DOCK3: variants seen among roughly 807,000 people sequenced by gnomAD.
The protein encoded by DOCK3 is dedicator of cytokinesis protein 3.
In DOCK3, 60 loss-of-function variants were observed where a neutral mutation model predicts 265.6. The ratio of observed to expected loss-of-function variants is 0.23; its 90% CI spans 0.18 to 0.28. The LOEUF is 0.28. DOCK3 is among the 10% of genes least tolerant of loss of function. DOCK3 has a pLI of 1.00. For synonymous variants in DOCK3, 881 were observed against 938.0 expected (o/e 0.94, Z 1.11); for missense variants, 1,981 against 2,594.3 (o/e 0.76, Z 5.14).
chr3:51,013,232 T>C (rs2079022360), intron 5 of DOCK3, among the ~76,000 whole-genome samples: 1 of 152,216 alleles, frequency 6.6e-6, no homozygotes, highest in Admixed American at 6.5e-5. Context: ...TGCAGTGCTC[T>C]GGTTTTTAGA....
At chr3:51,280,995 A>G (rs927603135) in intron 27 of DOCK3, among the ~76,000 whole-genome samples, 1 of 152,122 alleles carries the variant, frequency 6.6e-6, no homozygotes, top group Admixed American at 6.6e-5. Context: ...GAAAATGAAG[A>G]TGATTCTCCA....
chr3:50,806,127 A>G (rs1049420467), intron 2 of DOCK3, among the ~76,000 whole-genome samples: 3 of 151,696 alleles, frequency 2.0e-5, no homozygotes, highest in African/African-American at 7.3e-5. Context: ...AGTGGCCCAT[A>G]GGGCTGTTTC....
intron 1 of DOCK3, among the ~76,000 whole-genome samples, chr3:50,752,162 T>G (rs1458867312): frequency 6.6e-6 from 1 of 152,132 alleles, no homozygotes; most frequent in Non-Finnish European, 1.5e-5. Flanking sequence ...GAAGCTTTCT[T>G]TGTAAGAAAG....
At chr3:51,276,588 C>A (rs1294990551) in intron 25 of DOCK3, 1 of 269,880 alleles carries the variant, frequency 3.7e-6, no homozygotes, top group Non-Finnish European at 5.7e-6. Context: ...GTCCCAAGAG[C>A]TGCTCAAATT....
At chr3:51,218,186 C>G (rs2089895747) in intron 14 of DOCK3, among the ~76,000 whole-genome samples, 1 of 152,182 alleles carries the variant, frequency 6.6e-6, no homozygotes, top group East Asian at 1.9e-4. Context: ...ATAATCCTAG[C>G]ACTTTGGGAG....
At chr3:51,120,661 T>C (rs1215125364) in intron 9 of DOCK3, among the ~76,000 whole-genome samples, 1 of 152,146 alleles carries the variant, frequency 6.6e-6, no homozygotes, top group African/African-American at 2.4e-5. Flanking sequence ...GAGATGCCCT[T>C]CCCAGAGTGG....
Position 51,282,837 on chromosome 3 carries a change from G to T in DOCK3, c.2922+2633G>T, listed in dbSNP as rs2081204382. Among the ~76,000 whole-genome samples the T allele has an allele frequency of 1.3e-5, 2 of 152,062 alleles. 1 individual carries two copies. Among genetic ancestry groups the T allele is most frequent in the South Asian group, 4.1e-4 (2 of 4,826 alleles). ...AACATTTACCTACTCATTGTATGAGGTCAGTAATAAATACTGTGATAAGAA... is the reference window on the plus strand; with the variant it reads ...AACATTTACCTACTCATTGTATGAGTTCAGTAATAAATACTGTGATAAGAA... On this transcript the variant is annotated intron_variant, in intron 27 of 52. Coordinates refer to ENST00000266037, the MANE Select transcript of DOCK3 (RefSeq NM_004947.5).
chr3:50,778,000 G>A (rs1250129308), intron 1 of DOCK3, among the ~76,000 whole-genome samples: 1 of 152,056 alleles, frequency 6.6e-6, no homozygotes, highest in Non-Finnish European at 1.5e-5. Context: ...GTTCTCAGGG[G>A]GAATGCTTTC....
chr3:50,805,197 G>T (rs980713646), intron 2 of DOCK3, among the ~76,000 whole-genome samples: 1 of 152,178 alleles, frequency 6.6e-6, no homozygotes, highest in Non-Finnish European at 1.5e-5. Context: ...GTCTTGGGGT[G>T]TTGGTTTGGT....
chr3:50,867,961 C>T (rs762434206), intron 3 of DOCK3, among the ~76,000 whole-genome samples: 10 of 152,012 alleles, frequency 6.6e-5, no homozygotes, highest in Non-Finnish European at 1.0e-4. Context: ...GATGTATCCC[C>T]TCTTACTCTA....
intron 12 of DOCK3, among the ~76,000 whole-genome samples, chr3:51,200,884 A>G (rs566994461): frequency 3.3e-5 from 5 of 152,280 alleles, no homozygotes; most frequent in East Asian, 1.9e-4. Context: ...ATTCTTACCG[A>G]AAAGAATTTT....
At chr3:50,732,162 A>G (rs973625495) in intron 1 of DOCK3, among the ~76,000 whole-genome samples, 6 of 152,120 alleles carry the variant, frequency 3.9e-5, no homozygotes, top group South Asian at 2.1e-4. Flanking sequence ...AACACCACAT[A>G]TATATTCACC....
intron 3 of DOCK3, among the ~76,000 whole-genome samples, chr3:50,864,324 T>A (rs978756669): frequency 7.9e-5 from 12 of 152,176 alleles, no homozygotes; most frequent in Admixed American, 5.9e-4. Flanking sequence ...TTGATTTGAG[T>A]TCTTCATATA....
chr3:51,362,138 G>C (rs945786702), intron 48 of DOCK3, 141 bp downstream of exon 48: 3 of 1,127,340 alleles, frequency 2.7e-6, no homozygotes, highest in African/African-American at 1.6e-5. Flanking sequence ...ACCAGAGCTA[G>C]AAAGCTGCCG....
chr3:51,097,358 A>C (rs1409290223), intron 9 of DOCK3, among the ~76,000 whole-genome samples: 1 of 152,228 alleles, frequency 6.6e-6, no homozygotes, highest in African/African-American at 2.4e-5. Flanking sequence ...TGAGGAGCGC[A>C]GTGGGCTCCA....
In DOCK3 at chr3:51,312,893, C is replaced by A. The variant is rs755528798; in HGVS notation, c.3244C>A (p.Gln1082Lys). The A allele has an allele frequency of 6.2e-6, 10 of 1,607,692 alleles. No individual in the cohort carries two copies. The Admixed American group carries it at 1.4e-4, about 22-fold the overall frequency. Residue 1082 changes from glutamine to lysine, a missense_variant, in exon 31 of 53, where the codon CAG becomes AAG. Gln to Lys is a moderately conservative substitution (Grantham distance 53). Coordinates refer to ENST00000266037, the MANE Select transcript of DOCK3 (RefSeq NM_004947.5). ...GGCCTATGAACTGTTCAGCATGTGG[C>A]AGAATTTGGGTAGGTTTTTTCTCCC... is the stretch of plus-strand genomic sequence containing the variant. ...MMAYELFSMW[Q>K]NLGEHKIHFI...
At chr3:51,053,088 T>TAG (rs1656906515) in intron 5 of DOCK3, among the ~76,000 whole-genome samples, 3 of 69,236 alleles carry the variant, frequency 4.3e-5, no homozygotes, top group Non-Finnish European at 9.1e-5. Context: ...GATATATATA[T>TAG]ATATATATAT....
At chr3:51,291,250 T>A in intron 27 of DOCK3, among the ~76,000 whole-genome samples, 2 of 149,446 alleles carry the variant, frequency 1.3e-5, no homozygotes, top group Admixed American at 6.6e-5. Context: ...ACTAGTAAAA[T>A]AAGAAAAAAC....
At chr3:51,053,078 GATATATATAT>G (rs59382660) in intron 5 of DOCK3, among the ~76,000 whole-genome samples, 590 of 43,802 alleles carry the variant, frequency 0.013, 14 homozygotes, top group East Asian at 0.031. Context: ...AAAAGTCAAA[GATATATATAT>G]ATATATATAT....
Sources: gnomAD v4.1 joint callset for allele counts (sites outside exome capture counted in the v4.1 genomes callset) on GRCh38, gnomAD v4.1.1 for gene constraint, MANE v1.5 for transcripts, NCBI Gene and HGNC (gene_info 2026-07-23, HGNC 2026-07-21) for gene names.